Variants in DPYD observed in about 807,000 individuals in gnomAD.
DPYD encodes the protein dihydropyrimidine dehydrogenase.
A neutral mutation model predicts 116.2 loss-of-function variants in DPYD; 109 were observed. That is an observed-to-expected ratio of 0.94 (90% confidence interval 0.80 to 1.10). DPYD has a LOEUF of 1.10. DPYD is among the 50% of genes least tolerant of loss of function. The pLI is 0.00. For missense variants in DPYD, 1,302 were observed against 1,254.5 expected, an observed-to-expected ratio of 1.04 and a Z score of -0.57; for synonymous variants, 440 against 432.0, an observed-to-expected ratio of 1.02 and a Z score of -0.23.
chr1:97,852,590 T>TTA (rs2101570236), intron 2 of DPYD, among the ~76,000 whole-genome samples: 2 of 152,226 alleles, frequency 1.3e-5, no homozygotes, highest in East Asian at 3.9e-4. Context: ...ACACTGCATT[T>TTA]TTATCAGTGA....
At chr1:97,105,746 A>G (rs930722714) in intron 20 of DPYD, among the ~76,000 whole-genome samples, 1 of 152,148 alleles carries the variant, frequency 6.6e-6, no homozygotes, top group African/African-American at 2.4e-5. Flanking sequence ...ACATGCACAA[A>G]CAATCTGATG....
At chr1:97,379,769 C>T (rs67189312) in intron 15 of DPYD, among the ~76,000 whole-genome samples, 3,881 of 152,302 alleles carry the variant, frequency 0.025, 153 homozygotes, top group African/African-American at 0.088. Context: ...GAGAGCCCTA[C>T]GGAGTGAAAT....
At chr1:97,281,797 T>G (rs186369531) in intron 18 of DPYD, among the ~76,000 whole-genome samples, 1 of 152,126 alleles carries the variant, frequency 6.6e-6, no homozygotes, top group Non-Finnish European at 1.5e-5. Context: ...TAATTTTAAT[T>G]TTTTCCCCCA....
chr1:97,264,443 C>T (rs1664101380), intron 18 of DPYD, among the ~76,000 whole-genome samples: 1 of 151,880 alleles, frequency 6.6e-6, no homozygotes, highest in South Asian at 2.1e-4. Flanking sequence ...TGCTTGGTCT[C>T]CCAAAGTGTT....
At chr1:97,813,953 CA>C (rs1282911489) in intron 3 of DPYD, among the ~76,000 whole-genome samples, 31 of 149,938 alleles carry the variant, frequency 2.1e-4, no homozygotes, top group African/African-American at 5.1e-4. Context: ...CACACACACA[CA>C]CCCCTAAAAT....
At chr1:97,134,861 C>G (rs1406202384) in intron 20 of DPYD, among the ~76,000 whole-genome samples, 3 of 152,048 alleles carry the variant, frequency 2.0e-5, no homozygotes, top group African/African-American at 7.2e-5. Context: ...TCAGTGAAAC[C>G]AAGGTATGGA....
At chr1:97,774,172 G>A (rs1049922293) in intron 3 of DPYD, among the ~76,000 whole-genome samples, 16 of 152,138 alleles carry the variant, frequency 1.1e-4, no homozygotes, top group African/African-American at 3.9e-4. Flanking sequence ...CCCTGTGAGG[G>A]GGATAAGAGA....
chr1:97,732,242 C>T (rs976932650), intron 4 of DPYD, among the ~76,000 whole-genome samples: 9 of 151,772 alleles, frequency 5.9e-5, no homozygotes, highest in Non-Finnish European at 8.8e-5. Context: ...TTTGGGAGGC[C>T]GAGGCAGGTG....
At chr1:97,154,237 A>G (rs1452261643) in intron 20 of DPYD, among the ~76,000 whole-genome samples, 1 of 152,182 alleles carries the variant, frequency 6.6e-6, no homozygotes, top group Non-Finnish European at 1.5e-5. Flanking sequence ...AAAAATACAG[A>G]GCCAGCCCAA....
chr1:97,216,747 A>G (rs929979631), intron 19 of DPYD, among the ~76,000 whole-genome samples: 16 of 152,244 alleles, frequency 1.1e-4, no homozygotes, highest in Middle Eastern at 3.4e-3. Context: ...GTGACTTGAG[A>G]TCACGCCACT....
intron 12 of DPYD, among the ~76,000 whole-genome samples, chr1:97,516,592 C>T (rs780213864): frequency 1.3e-5 from 2 of 151,972 alleles, no homozygotes; most frequent in Non-Finnish European, 2.9e-5. Flanking sequence ...TAGTTTACGT[C>T]AAAATCTTCG....
intron 14 of DPYD, among the ~76,000 whole-genome samples, chr1:97,441,516 C>G (rs140821433): frequency 0.017 from 2,593 of 152,182 alleles, 38 homozygotes; most frequent in Non-Finnish European, 0.026. Context: ...TACCTTTCAT[C>G]TTATTCATTG....
chr1:97,592,791 G>C (rs1450312094), intron 10 of DPYD, among the ~76,000 whole-genome samples: 1 of 152,154 alleles, frequency 6.6e-6, no homozygotes, highest in Non-Finnish European at 1.5e-5. Context: ...CTGACTGAAA[G>C]TATGACCAAG....
At chr1:97,158,395 T>C (rs1231697777) in intron 20 of DPYD, among the ~76,000 whole-genome samples, 2 of 151,528 alleles carry the variant, frequency 1.3e-5, no homozygotes, top group South Asian at 2.1e-4. Context: ...TTATTTATGA[T>C]AGATGATTTT....
chr1:97,283,636 A>G (rs745954200), intron 18 of DPYD, among the ~76,000 whole-genome samples: 1 of 152,166 alleles, frequency 6.6e-6, no homozygotes, highest in African/African-American at 2.4e-5. Context: ...AATTTGAAAT[A>G]AACGCTGTAT....
chr1:97,635,450 G>A (rs1201983777), intron 8 of DPYD, among the ~76,000 whole-genome samples: 2 of 152,086 alleles, frequency 1.3e-5, no homozygotes, highest in Non-Finnish European at 2.9e-5. Flanking sequence ...CAGTGGCTCC[G>A]CCATGGGATT....
At chr1:97,366,422 A>C (rs1370629581) in intron 16 of DPYD, among the ~76,000 whole-genome samples, 1 of 152,182 alleles carries the variant, frequency 6.6e-6, no homozygotes, top group Non-Finnish European at 1.5e-5. Context: ...CTTTTGCAGA[A>C]GCTTATACCA....
intron 13 of DPYD, among the ~76,000 whole-genome samples, chr1:97,493,382 T>A (rs1679075915): frequency 6.6e-6 from 1 of 151,718 alleles, no homozygotes; most frequent in African/African-American, 2.4e-5. Flanking sequence ...CCCAGAGGAG[T>A]TCAAATCAGA....
intron 18 of DPYD, among the ~76,000 whole-genome samples, chr1:97,281,901 C>CA (rs1242371684): frequency 6.6e-6 from 1 of 151,956 alleles, no homozygotes; most frequent in Non-Finnish European, 1.5e-5. Context: ...AATATTTTAC[C>CA]AATTTGATAC....
Sources: allele counts gnomAD v4.1 joint callset (sites outside exome capture counted in the v4.1 genomes callset), GRCh38; gene constraint gnomAD v4.1.1; transcripts MANE v1.5; gene names NCBI Gene and HGNC (gene_info 2026-07-23, HGNC 2026-07-21).